The following RIMBP2 variants were observed in gnomAD, a reference collection of about 807,000 sequenced individuals.
The protein encoded by RIMBP2 is RIMS-binding protein 2.
A neutral mutation model predicts 118.6 loss-of-function variants in RIMBP2; 48 were observed. The ratio of observed to expected loss-of-function variants is 0.40; its 90% confidence interval spans 0.32 to 0.51. The LOEUF (loss-of-function observed/expected upper bound fraction) is 0.51, where lower values mean the gene tolerates loss of function less well. RIMBP2 is among the 20% of genes least tolerant of loss of function. RIMBP2 has a pLI of 0.41. For missense variants in RIMBP2, 1,551 were observed against 1,768.3 expected (o/e 0.88, Z 2.20); for synonymous variants, 762 against 742.9 (o/e 1.03, Z -0.42).
chr12:130,432,412 T>C (rs2077207868), intron 14 of RIMBP2: 2 of 422,144 alleles, frequency 4.7e-6, no homozygotes, highest in Admixed American at 2.6e-5. Flanking sequence ...GAAAGCCTCA[T>C]AAAACCTGTG....
chr12:130,632,029 T>C (rs971772655), intron 1 of RIMBP2, among the ~76,000 whole-genome samples: 1 of 152,216 alleles, frequency 6.6e-6, no homozygotes, highest in African/African-American at 2.4e-5. Flanking sequence ...CAAATAGTTA[T>C]CACATAAAAA....
At chr12:130,439,574 G>C (rs1230288313) in intron 11 of RIMBP2, among the ~76,000 whole-genome samples, 1 of 107,834 alleles carries the variant, frequency 9.3e-6, no homozygotes, top group Non-Finnish European at 1.8e-5. Flanking sequence ...GGTGTATGTG[G>C]GTCTGTGGGG....
intron 4 of RIMBP2, among the ~76,000 whole-genome samples, chr12:130,485,204 C>T (rs951777603): frequency 2.2e-4 from 34 of 152,352 alleles, no homozygotes; most frequent in African/African-American, 7.2e-4. Context: ...GGTGAGAAAT[C>T]GGAATGTGGC....
At chr12:130,466,670 A>T (rs1290876926) in intron 6 of RIMBP2, among the ~76,000 whole-genome samples, 4 of 152,174 alleles carry the variant, frequency 2.6e-5, no homozygotes, top group Non-Finnish European at 5.9e-5. Flanking sequence ...CCTCCCTCAG[A>T]ATTTGCACAC....
At chr12:130,709,097 C>T (rs774634081) in intron 1 of RIMBP2, among the ~76,000 whole-genome samples, 2 of 152,266 alleles carry the variant, frequency 1.3e-5, no homozygotes, top group African/African-American at 4.8e-5. Flanking sequence ...CAGTCCGATG[C>T]ATTGCTGCAT....
At chr12:130,664,395 A>ACGCACG (rs1348019841) in intron 1 of RIMBP2, among the ~76,000 whole-genome samples, 6 of 128,616 alleles carry the variant, frequency 4.7e-5, no homozygotes, top group Non-Finnish European at 6.8e-5. Context: ...GCATGCACAC[A>ACGCACG]CACGCACGCA....
intron 1 of RIMBP2, among the ~76,000 whole-genome samples, chr12:130,646,539 C>T (rs952442637): frequency 6.6e-6 from 1 of 152,182 alleles, no homozygotes; most frequent in Non-Finnish European, 1.5e-5. Context: ...ATTTCCTCCT[C>T]GAGGTCCTGT....
intron 2 of RIMBP2, among the ~76,000 whole-genome samples, chr12:130,555,795 G>C (rs892417749): frequency 1.3e-5 from 2 of 152,222 alleles, no homozygotes; most frequent in Non-Finnish European, 2.9e-5. Flanking sequence ...TGTACCAGAG[G>C]AGGGAGATTG....
chr12:130,406,262 AAATT>A lies in RIMBP2; in HGVS notation c.3694-23_3694-20del. 6.5e-7 allele frequency: 1 copy of A among 1,542,412 alleles called. No individual in the cohort carries two copies. The highest frequency in any genetic ancestry group is 1.2e-5 in the South Asian group (1 of 86,226). ...GTTCGGCCTGTGGAGATGAAACATA[AAATT>A]AATCGTATTTTTCTACACAACAGTA... On this transcript the variant is annotated intron_variant, in intron 20 of 22. Coordinates refer to ENST00000690449, the MANE Select transcript of RIMBP2 (RefSeq NM_001393629.1).
intron 16 of RIMBP2, among the ~76,000 whole-genome samples, chr12:130,423,211 G>A (rs903834126): frequency 6.6e-6 from 1 of 152,226 alleles, no homozygotes; most frequent in African/African-American, 2.4e-5. Flanking sequence ...TTGCTAGTAA[G>A]TAAATGGAGT....
Position 130,422,378 on chromosome 12 carries a change from G to T in RIMBP2, c.3238+75C>A. ...CGGAAAATGCTACTCCTAAAGTTTT[G>T]TTCATGCTTAGATGGAGTAAGCAGC... On this transcript the variant is annotated intron_variant, in intron 17 of 22. Transcript: ENST00000690449. The surrounding 1 kb of genome is among the most constrained non-coding windows in gnomAD (Gnocchi z 5.2). 9.9e-7 allele frequency: 1 copy of T among 1,013,882 alleles called. No homozygotes were observed. Among genetic ancestry groups the T allele is most frequent in the Non-Finnish European group, 1.5e-6 (1 of 677,342 alleles). 62.8% of individuals were successfully genotyped at this position (1,013,882 alleles called of 1,614,324 possible). A position where few individuals can be genotyped will look rare whatever the true frequency, so the allele number is the denominator to read the frequency against.
chr12:130,679,873 G>A (rs570022165), intron 1 of RIMBP2, among the ~76,000 whole-genome samples: 2 of 151,948 alleles, frequency 1.3e-5, no homozygotes, highest in East Asian at 1.9e-4. Flanking sequence ...GAGTGTGTTC[G>A]CCCGCCACGG....
At chr12:130,529,249 C>CA (rs1401577385) in intron 2 of RIMBP2, among the ~76,000 whole-genome samples, 8 of 152,072 alleles carry the variant, frequency 5.3e-5, no homozygotes, top group East Asian at 1.9e-4. Context: ...GAATGAACCT[C>CA]AAAAAATGAC....
intron 2 of RIMBP2, among the ~76,000 whole-genome samples, chr12:130,624,502 G>A (rs987261730): frequency 2.0e-5 from 3 of 151,324 alleles, no homozygotes; most frequent in African/African-American, 7.3e-5. Flanking sequence ...GTATGCGTGG[G>A]GAAAGGTCTG....
intron 19 of RIMBP2, 136 bp downstream of exon 19, chr12:130,412,483 T>C (rs1442708160): frequency 3.6e-6 from 3 of 830,236 alleles, no homozygotes; most frequent in Middle Eastern, 3.7e-4. Flanking sequence ...GAAAAATCAC[T>C]GGTCAACATT....
At chr12:130,445,732 T>C (rs2078466093) in intron 9 of RIMBP2, among the ~76,000 whole-genome samples, 2 of 152,234 alleles carry the variant, frequency 1.3e-5, no homozygotes, top group Non-Finnish European at 2.9e-5. Flanking sequence ...CTTGAAATAT[T>C]ATCATCATAG....
intron 1 of RIMBP2, among the ~76,000 whole-genome samples, chr12:130,675,886 A>G (rs895843697): frequency 2.0e-5 from 3 of 152,228 alleles, no homozygotes; most frequent in Admixed American, 2.0e-4. Context: ...TAGACCTCGC[A>G]TGCTGCAATT....
At position 130,646,121 on chromosome 12, in the gene RIMBP2, AC is replaced by A. The variant is rs1566422183; in HGVS notation, c.-351-17666del. Among the ~76,000 whole-genome samples, 760 of 107,100 alleles carry A rather than the reference AC, an allele frequency of 7.1e-3. 85 individuals carry two copies. The highest frequency in any genetic ancestry group is 0.011 in the Non-Finnish European group (537 of 49,672). 70.3% of individuals were successfully genotyped at this position (107,100 alleles called of 152,430 possible). A position where few individuals can be genotyped will look rare whatever the true frequency, so the allele number is the denominator to read the frequency against. Reference sequence around the variant, plus strand: ...CACCTCCCTCTCCACCTCCCTCACCACCTGCCTCTCCACCTCCCTCACCACC... The same window carrying A: ...CACCTCCCTCTCCACCTCCCTCACCACTGCCTCTCCACCTCCCTCACCACC... On this transcript the variant is annotated intron_variant, in intron 1 of 22. Coordinates refer to ENST00000690449, the MANE Select transcript of RIMBP2 (RefSeq NM_001393629.1).
chr12:130,399,904 G>T, intron 21 of RIMBP2, 91 bp from the exon 22 acceptor site: 1 of 1,397,768 alleles, frequency 7.2e-7, no homozygotes, highest in Non-Finnish European at 9.8e-7. Context: ...CAGAGTACAG[G>T]TACATGGTGA....
Sources: gnomAD v4.1 joint callset for allele counts (sites outside exome capture counted in the v4.1 genomes callset) on GRCh38, gnomAD v4.1.1 for gene constraint, Gnocchi (gnomAD v3.1) non-coding constraint, MANE v1.5 for transcripts, NCBI Gene and HGNC (gene_info 2026-07-23, HGNC 2026-07-21) for gene names.